Variants in CLASP2 observed in about 807,000 individuals in gnomAD.
CLASP2 encodes cytoplasmic linker associated protein 2, also known as CLIP-associating protein 2.
A neutral mutation model predicts 194.4 loss-of-function variants in CLASP2; 47 were observed. The observed-to-expected ratio is 0.24, with a 90% CI of 0.19 to 0.31. The LOEUF is 0.31. Ranked by LOEUF, CLASP2 falls within the 10% of genes least tolerant of loss-of-function variation. CLASP2 has a pLI of 1.00. For synonymous variants in CLASP2, 619 were observed against 633.5 expected (o/e 0.98, Z 0.34); for missense variants, 1,445 against 1,823.6 (o/e 0.79, Z 3.78).
At chr3:33,708,546 A>ACATATGTATGTATATATG (rs2092836031) in intron 1 of CLASP2, among the ~76,000 whole-genome samples, 1 of 2,880 alleles carries the variant, frequency 3.5e-4, no homozygotes, top group African/African-American at 4.4e-4. Flanking sequence ...GTATATATGT[A>ACATATGTATGTATATATG]TATATATATA....
chr3:33,520,985 T>C (rs2052899509), intron 34 of CLASP2, among the ~76,000 whole-genome samples: 1 of 151,846 alleles, frequency 6.6e-6, no homozygotes, highest in Non-Finnish European at 1.5e-5. Context: ...AATGGATCCC[T>C]GAAGAAATGA....
In CLASP2 at chr3:33,513,360, G is replaced by A. The variant is rs545667261; in HGVS notation, c.4111-2596C>T. ...TCGAGACCAGCCTTGCAAACACAGC[G>A]AAACCCCGTTTCCACACAAAAATTA... On this transcript the variant is annotated intron_variant, in intron 36 of 38. Coordinates refer to ENST00000682230, the MANE Select transcript of CLASP2 (RefSeq NM_001365631.1). Among the ~76,000 whole-genome samples the A allele has an allele frequency of 1.3e-4, 20 of 152,066 alleles. 1 individual carries two copies. Among genetic ancestry groups the A allele is most frequent in the Admixed American group, 2.6e-4 (4 of 15,270 alleles).
At chr3:33,536,346 G>T (rs1559911083) in intron 33 of CLASP2, among the ~76,000 whole-genome samples, 1 of 152,062 alleles carries the variant, frequency 6.6e-6, no homozygotes, top group African/African-American at 2.4e-5. Context: ...GGAGTTCACA[G>T]ATTAAATAGG....
chr3:33,508,916 C>T (rs556258046), intron 37 of CLASP2, among the ~76,000 whole-genome samples: 5 of 152,268 alleles, frequency 3.3e-5, no homozygotes, highest in Admixed American at 2.0e-4. Flanking sequence ...AGTTTCCTTG[C>T]TTTCAGTCAA....
At chr3:33,534,363 AC>A (rs2056931523) in intron 34 of CLASP2, among the ~76,000 whole-genome samples, 1 of 152,024 alleles carries the variant, frequency 6.6e-6, no homozygotes, top group Non-Finnish European at 1.5e-5. Flanking sequence ...GGAGTTCAAG[AC>A]CAGCCTAGGG....
chr3:33,538,759 T>C (rs757406493), intron 33 of CLASP2, 30 bp downstream of exon 33: 3 of 1,498,170 alleles, frequency 2.0e-6, no homozygotes, highest in African/African-American at 2.8e-5. Flanking sequence ...AATAAAATAG[T>C]CTGGAAAGTA....
At chr3:33,680,836 G>T (rs34249772) in intron 6 of CLASP2, among the ~76,000 whole-genome samples, 14,725 of 151,606 alleles carry the variant, frequency 0.097, 992 homozygotes, top group Non-Finnish European at 0.15. Flanking sequence ...ATCTATTTAA[G>T]AATAATAAAG....
intron 13 of CLASP2, among the ~76,000 whole-genome samples, chr3:33,611,600 C>T (rs2075191119): frequency 6.6e-6 from 1 of 152,112 alleles, no homozygotes; most frequent in African/African-American, 2.4e-5. Context: ...CTCATTTAAT[C>T]CTTATGTTCT....
chr3:33,702,501 T>C (rs527629677), intron 1 of CLASP2, among the ~76,000 whole-genome samples: 22 of 152,146 alleles, frequency 1.4e-4, no homozygotes, highest in Non-Finnish European at 2.4e-4. Context: ...TAAAACTCTA[T>C]AGTTATTAGA....
At chr3:33,543,917 C>T (rs2058755693) in intron 31 of CLASP2, among the ~76,000 whole-genome samples, 1 of 152,116 alleles carries the variant, frequency 6.6e-6, no homozygotes, top group Non-Finnish European at 1.5e-5. Context: ...TAAATCTTGT[C>T]ATACTATTAA....
rs996625512 is a variant in CLASP2 at position 33,572,996 on chromosome 3, T to G, written c.2699+114A>C. On this transcript the variant is annotated intron_variant, in intron 25 of 38. Coordinates refer to ENST00000682230, the MANE Select transcript of CLASP2 (RefSeq NM_001365631.1). ...GGAAAAACACTTTGAAGCAACCATA[T>G]GAATTCAGGACAAGTCTGTTTCTAC... 3 of 1,213,894 alleles carry G rather than the reference T, an allele frequency of 2.5e-6. No homozygotes were observed. The South Asian group carries it at 4.8e-5, about 19-fold the overall frequency. The allele number at this position is 1,213,894 out of a possible 1,614,324, so 75.2% of individuals were successfully genotyped here. A position where few individuals can be genotyped will look rare whatever the true frequency, so the allele number is the denominator to read the frequency against.
At chr3:33,584,709 A>G (rs748042437) in intron 22 of CLASP2, 41 bp downstream of exon 22, 24 of 1,443,828 alleles carry the variant, frequency 1.7e-5, no homozygotes, top group South Asian at 5.8e-5. Flanking sequence ...AAAAAAAAAA[A>G]GGGTTACATG....
At chr3:33,585,058 C>A in intron 21 of CLASP2, 138 bp from the exon 22 acceptor site, 4 of 624,328 alleles carry the variant, frequency 6.4e-6, no homozygotes, top group South Asian at 7.1e-5. Context: ...AGGAAATAGA[C>A]CGAGGAAGAT....
chr3:33,551,482 G>A (rs1037074830), intron 29 of CLASP2, 87 bp from the exon 30 acceptor site: 81 of 1,349,630 alleles, frequency 6.0e-5, no homozygotes, highest in Non-Finnish European at 8.0e-5. Context: ...AGGTGATGAT[G>A]ATGATTTTTT....
chr3:33,672,237 T>C (rs2087432588), intron 6 of CLASP2, among the ~76,000 whole-genome samples: 1 of 152,144 alleles, frequency 6.6e-6, no homozygotes, highest in Non-Finnish European at 1.5e-5. Flanking sequence ...GGGACTCCTC[T>C]GAGACAAAAC....
At position 33,651,570 on chromosome 3, in the gene CLASP2, A is replaced by G. The variant is rs148403381; in HGVS notation, c.716-6667T>C. On this transcript the variant is annotated intron_variant, in intron 7 of 38. Transcript: ENST00000682230. Reference sequence around the variant, plus strand: ...GTTTCAGATAAGGGTCTGTGAATTTATATTAATCACACCTTGTCCTTTTTT... The same window carrying G: ...GTTTCAGATAAGGGTCTGTGAATTTGTATTAATCACACCTTGTCCTTTTTT... Among the ~76,000 whole-genome samples the G allele has an allele frequency of 1.9e-3, 286 of 151,734 alleles. 2 individuals carry two copies. Among genetic ancestry groups the G allele is most frequent in the African/African-American group, 6.1e-3 (253 of 41,392 alleles).
At position 33,573,165 on chromosome 3, in the gene CLASP2, T is replaced by C; in HGVS notation, c.2644A>G (p.Arg882Gly). 1 of 1,613,922 alleles carries C rather than the reference T, an allele frequency of 6.2e-7. No homozygotes were observed. Among genetic ancestry groups the C allele is most frequent in the Non-Finnish European group, 8.5e-7 (1 of 1,179,828 alleles). The change falls in exon 25 of 39, where the codon AGG becomes GGG. Residue 882 changes from arginine to glycine, a missense_variant. Physicochemically the swap from Arg to Gly is moderately radical, Grantham distance 125 (BLOSUM62 -2). Transcript: ENST00000682230. The part of the protein sequence containing the change: ...NRCASSNWSE[R>G]KEGLLGLQNL... ...TGCAGACCTAGGAGGCCTTCTTTCCTTTCTGACCAATTGGAACTAGCACAT... is the reference window on the plus strand; with the variant it reads ...TGCAGACCTAGGAGGCCTTCTTTCCCTTCTGACCAATTGGAACTAGCACAT...
chr3:33,503,923 T>A (rs1483085288), intron 37 of CLASP2: 1 of 152,222 alleles, frequency 6.6e-6, no homozygotes, highest in African/African-American at 2.4e-5. Flanking sequence ...TTTCCGTAAT[T>A]ACTAATGACA....
chr3:33,677,110 T>C (rs1226356770), intron 6 of CLASP2, among the ~76,000 whole-genome samples: 22 of 152,080 alleles, frequency 1.4e-4, no homozygotes, highest in Non-Finnish European at 1.5e-4. Flanking sequence ...TTGGTGGGAC[T>C]GTAAACTAGT....
Sources: gnomAD v4.1 joint callset for allele counts (sites outside exome capture counted in the v4.1 genomes callset) on GRCh38, gnomAD v4.1.1 for gene constraint, MANE v1.5 for transcripts, NCBI Gene and HGNC (gene_info 2026-07-23, HGNC 2026-07-21) for gene names.